Variants in MAP6 observed in about 807,000 individuals in gnomAD.
The protein encoded by MAP6 is microtubule-associated protein 6.
A neutral mutation model predicts 42.4 loss-of-function variants in MAP6; 26 were observed. The ratio of observed to expected loss-of-function variants is 0.61; its 90% CI spans 0.45 to 0.85. The LOEUF is 0.85. MAP6 is among the 40% of genes least tolerant of loss of function. MAP6 has a pLI of 0.00. For synonymous variants in MAP6, 418 were observed against 443.8 expected (o/e 0.94, Z 0.73); for missense variants, 966 against 1,099.0 (o/e 0.88, Z 1.71).
intron 3 of MAP6, chr11:75,605,587 C>G: frequency 7.5e-7 from 1 of 1,336,580 alleles, no homozygotes; most frequent in Non-Finnish European, 9.6e-7. Flanking sequence ...TCCTGGTGCT[C>G]CAGGGGCTGC....
Position 75,667,825 on chromosome 11 carries a change from G to T in MAP6, c.545C>A (p.Ala182Glu). ...AATGGGCGCCGACGCCTGGGAGGCC[G>T]CAGAGATCTGCACGGGCTTGGGGAT... ...PWIPKPVQIS[A>E]ASQASAPILG... The change falls in exon 1 of 4, where the codon GCG becomes GAG. Residue 182 changes from alanine (A) to glutamate (E), a missense_variant. Around this residue, in one of 2 missense-constraint regions of MAP6, gnomAD observed 943 missense variants for 1,049.9 expected, o/e 0.90. Transcript: ENST00000304771. The surrounding 1 kb of genome is among the most constrained non-coding windows in gnomAD (Gnocchi z 5.6). The T allele has an allele frequency of 7.5e-7, 1 of 1,339,370 alleles. No homozygotes were observed. Among genetic ancestry groups the T allele is most frequent in the South Asian group, 1.9e-5 (1 of 52,840 alleles). 83.0% of individuals were successfully genotyped at this position (1,339,370 alleles called of 1,614,324 possible).
chr11:75,646,384 G>A (rs1165714694), intron 1 of MAP6, among the ~76,000 whole-genome samples: 3 of 151,820 alleles, frequency 2.0e-5, no homozygotes, highest in Non-Finnish European at 4.4e-5. Context: ...ACGGCTGGCT[G>A]GGCTTGGTGG....
intron 3 of MAP6, among the ~76,000 whole-genome samples, chr11:75,595,057 C>T (rs1375990464): frequency 6.6e-6 from 1 of 152,198 alleles, no homozygotes; most frequent in Non-Finnish European, 1.5e-5. Flanking sequence ...CAAAGGTGCC[C>T]AGGGCTGGAA....
At chr11:75,601,668 C>T (rs562067230) in intron 3 of MAP6, among the ~76,000 whole-genome samples, 1 of 152,032 alleles carries the variant, frequency 6.6e-6, no homozygotes. Context: ...GGTGTAGGTA[C>T]GCTTTGGGCA....
rs183934651 is a variant in MAP6 at position 75,641,433 on chromosome 11, T to C, written c.905+26032A>G. On this transcript the variant is annotated intron_variant, in intron 1 of 3. Transcript: ENST00000304771. ...CACCAACTCGACACATGTATACATA[T>C]GTAACAAACCTGCATGTTGTGCACA... Among the ~76,000 whole-genome samples, 775 of 151,944 alleles carry C rather than the reference T, an allele frequency of 5.1e-3. 4 individuals are homozygous for C. The highest frequency in any genetic ancestry group is 0.018 in the African/African-American group (751 of 41,408).
intron 1 of MAP6, among the ~76,000 whole-genome samples, chr11:75,629,004 A>C (rs968322706): frequency 1.3e-5 from 2 of 152,190 alleles, no homozygotes; most frequent in African/African-American, 4.8e-5. Context: ...CTGTGAGGTA[A>C]AGAGATCTGC....
intron 1 of MAP6, among the ~76,000 whole-genome samples, chr11:75,666,388 A>G (rs1443858059): frequency 6.6e-6 from 1 of 152,152 alleles, no homozygotes; most frequent in Non-Finnish European, 1.5e-5. Context: ...TCTAGAAGGA[A>G]AGAGAGAGAG....
chr11:75,601,792 C>A (rs1942667700), intron 3 of MAP6, among the ~76,000 whole-genome samples: 1 of 151,372 alleles, frequency 6.6e-6, no homozygotes, highest in African/African-American at 2.4e-5. Flanking sequence ...GGAGCTACCC[C>A]CCCAGAACTG....
intron 2 of MAP6, 137 bp from the exon 3 acceptor site, chr11:75,606,141 G>A: frequency 9.8e-7 from 1 of 1,023,086 alleles, no homozygotes; most frequent in East Asian, 2.6e-5. Flanking sequence ...CAGTGCATAA[G>A]GTGTTCCCAA....
intron 1 of MAP6, among the ~76,000 whole-genome samples, chr11:75,617,069 T>C (rs1943007441): frequency 6.6e-6 from 1 of 152,188 alleles, no homozygotes; most frequent in Non-Finnish European, 1.5e-5. Context: ...ACTAGGTAAA[T>C]GGCTCATTCT....
chr11:75,591,000 A>G (rs562681945), intron 3 of MAP6, among the ~76,000 whole-genome samples: 1 of 152,258 alleles, frequency 6.6e-6, no homozygotes, highest in South Asian at 2.1e-4. Flanking sequence ...TTTAGGAAAA[A>G]TGTGCATAGA....
intron 1 of MAP6, among the ~76,000 whole-genome samples, chr11:75,654,338 T>A (rs1943699549): frequency 6.6e-6 from 1 of 152,188 alleles, no homozygotes; most frequent in Non-Finnish European, 1.5e-5. Context: ...AGGAAGGAAT[T>A]TATAGTTCCT....
chr11:75,644,862 A>T (rs541426673), intron 1 of MAP6, among the ~76,000 whole-genome samples: 40 of 152,322 alleles, frequency 2.6e-4, no homozygotes, highest in African/African-American at 9.1e-4. Flanking sequence ...AAAATATAGT[A>T]AAATATAATA....
chr11:75,595,096 G>A (rs1483037526), intron 3 of MAP6, among the ~76,000 whole-genome samples: 2 of 152,228 alleles, frequency 1.3e-5, no homozygotes, highest in Non-Finnish European at 2.9e-5. Flanking sequence ...TGGGTCTCCT[G>A]AGCCTCTGCT....
rs889990354 is a variant in MAP6, at chr11:75,586,960, T to G, written c.*99A>C. On this transcript the variant is annotated 3_prime_UTR_variant, in exon 4 of 4. Transcript: ENST00000304771. ...TTTTATTAGATTCCAGCAAGACTACTGTACATGTTTCATGCAGATTAAATA... is the reference window on the plus strand; with the variant it reads ...TTTTATTAGATTCCAGCAAGACTACGGTACATGTTTCATGCAGATTAAATA... 7.9e-7 allele frequency: 1 copy of G among 1,266,580 alleles called. No individual in the cohort carries two copies. Among genetic ancestry groups the G allele is most frequent in the Non-Finnish European group, 1.1e-6 (1 of 912,056 alleles). 78.5% of individuals were successfully genotyped at this position (1,266,580 alleles called of 1,614,324 possible). A position where few individuals can be genotyped will look rare whatever the true frequency, so the allele number is the denominator to read the frequency against.
At chr11:75,639,948 C>T (rs1373090870) in intron 1 of MAP6, among the ~76,000 whole-genome samples, 1 of 152,186 alleles carries the variant, frequency 6.6e-6, no homozygotes, top group African/African-American at 2.4e-5. Context: ...TGACTGCCTC[C>T]CACTCCATTG....
intron 3 of MAP6, among the ~76,000 whole-genome samples, chr11:75,599,775 A>G (rs1459994956): frequency 6.6e-6 from 1 of 152,160 alleles, no homozygotes; most frequent in Non-Finnish European, 1.5e-5. Context: ...AGAGGGATAG[A>G]CAGCAGGCTA....
At chr11:75,635,963 C>T (rs1449502492) in intron 1 of MAP6, 1 of 152,212 alleles carries the variant, frequency 6.6e-6, no homozygotes, top group East Asian at 1.9e-4. Context: ...CTAGAATGCA[C>T]CTAGCATTAT....
chr11:75,587,429 G>A lies in MAP6; in HGVS notation c.2072C>T (p.Ala691Val). The A allele has an allele frequency of 6.2e-7, 1 of 1,614,102 alleles. No homozygotes were observed. The highest frequency in any genetic ancestry group is 1.3e-5 in the African/African-American group (1 of 75,002). The change falls in exon 4 of 4, where the codon GCA (alanine) becomes GTA (valine). Residue 691 changes from alanine to valine, a missense_variant. By Grantham distance (64) the Ala-to-Val change is moderately conservative. Coordinates refer to ENST00000304771, the MANE Select transcript of MAP6 (RefSeq NM_033063.2). ...KDQDVVVPEHAKVHDSAVVAP... is the reference protein window; with the variant it reads ...KDQDVVVPEHVKVHDSAVVAP... ...CACAACTGCAGAATCGTGAACCTTTGCATGCTCTGGGACTACAACATCTTG... is the reference window on the plus strand; with the variant it reads ...CACAACTGCAGAATCGTGAACCTTTACATGCTCTGGGACTACAACATCTTG...
Sources: gnomAD v4.1 joint callset for allele counts (sites outside exome capture counted in the v4.1 genomes callset) on GRCh38, gnomAD v4.1.1 for gene constraint, gnomAD v4.1.1 regional missense constraint, Gnocchi (gnomAD v3.1) non-coding constraint, MANE v1.5 for transcripts, NCBI Gene and HGNC (gene_info 2026-07-23, HGNC 2026-07-21) for gene names.